Variants in BIN2 observed in about 807,000 individuals in gnomAD.
The protein encoded by BIN2 is breast cancer associated protein BRAP1.
BIN2 carries 43 observed loss-of-function variants against 67.9 expected under a neutral mutation model. That is an observed-to-expected ratio of 0.63 (90% CI 0.50 to 0.82). BIN2 has a LOEUF of 0.82. Ranked by LOEUF, BIN2 falls within the 40% of genes least tolerant of loss-of-function variation. The pLI, the probability that BIN2 is intolerant of heterozygous loss-of-function variation, is 0.00. For synonymous variants in BIN2, 244 were observed against 246.8 expected (o/e 0.99, Z 0.11); for missense variants, 581 against 671.6 (o/e 0.87, Z 1.49).
intron 1 of BIN2, among the ~76,000 whole-genome samples, chr12:51,323,443 C>G (rs1946340674): frequency 6.7e-6 from 1 of 149,706 alleles, no homozygotes; most frequent in African/African-American, 2.6e-5. Context: ...GTGTACTCCC[C>G]AACGCCAAAG....
At chr12:51,316,278 T>A (rs1280709388) in intron 1 of BIN2, among the ~76,000 whole-genome samples, 1 of 149,788 alleles carries the variant, frequency 6.7e-6, no homozygotes. Context: ...AGGTCAGGAG[T>A]TCGAGACCAA....
chr12:51,299,026 T>C (rs993286537), intron 7 of BIN2, among the ~76,000 whole-genome samples, 177 bp downstream of exon 7: 1 of 151,294 alleles, frequency 6.6e-6, no homozygotes, highest in African/African-American at 2.4e-5. Flanking sequence ...TGAGCTGAGA[T>C]TGAGTGCTAC....
chr12:51,302,331 A>T (rs1945747362), intron 4 of BIN2: 1 of 551,444 alleles, frequency 1.8e-6, no homozygotes. Flanking sequence ...AGAGATTAAG[A>T]ACAGGGCACA....
upstream of BIN2, chr12:51,324,293 A>AG: frequency 1.1e-5 from 15 of 1,392,804 alleles, no homozygotes; most frequent in Non-Finnish European, 1.4e-5. Context: ...GCCGGCTCGG[A>AG]GGGGCGGGCC....
chr12:51,299,135 C>T, intron 7 of BIN2, 68 bp downstream of exon 7: 1 of 1,098,526 alleles, frequency 9.1e-7, no homozygotes, highest in Non-Finnish European at 1.4e-6. Flanking sequence ...CTTTTATCTA[C>T]TTACTGTCAA....
chr12:51,298,664 C>G (rs945908198), intron 7 of BIN2, among the ~76,000 whole-genome samples: 3 of 152,096 alleles, frequency 2.0e-5, no homozygotes, highest in Non-Finnish European at 4.4e-5. Context: ...CCTATGTACA[C>G]TAATAAGTGA....
chr12:51,294,911 C>T (rs1261617461), intron 9 of BIN2, among the ~76,000 whole-genome samples: 4 of 151,876 alleles, frequency 2.6e-5, no homozygotes, highest in Non-Finnish European at 5.9e-5. Context: ...TTTATACGTT[C>T]GGTTATGTCT....
chr12:51,308,043 A>T (rs956219055), intron 2 of BIN2, among the ~76,000 whole-genome samples: 1 of 152,032 alleles, frequency 6.6e-6, no homozygotes, highest in Non-Finnish European at 1.5e-5. Flanking sequence ...GGGTAGTGGT[A>T]TGGAGTGGGG....
At chr12:51,319,706 TC>T (rs1467546412) in intron 1 of BIN2, among the ~76,000 whole-genome samples, 3 of 152,148 alleles carry the variant, frequency 2.0e-5, no homozygotes, top group Admixed American at 1.3e-4. Flanking sequence ...ATTCCAGTGT[TC>T]ATTGATTATT....
chr12:51,297,793 G>A (rs371074080), intron 7 of BIN2, among the ~76,000 whole-genome samples: 1 of 151,974 alleles, frequency 6.6e-6, no homozygotes, highest in African/African-American at 2.4e-5. Flanking sequence ...ATTTTTTAAA[G>A]GGCTATATAA....
At chr12:51,324,264 C>T (rs933909374), upstream of BIN2, 172 of 1,422,238 alleles carry the variant, frequency 1.2e-4, no homozygotes, top group African/African-American at 1.3e-3. Flanking sequence ...CCTCAGCCCA[C>T]CACTGTCAGC....
At chr12:51,323,422 C>G (rs556458497) in intron 1 of BIN2, among the ~76,000 whole-genome samples, 3 of 152,316 alleles carry the variant, frequency 2.0e-5, no homozygotes, top group African/African-American at 7.2e-5. Flanking sequence ...TGTGGTTCAT[C>G]ACCCTGGGAG....
At chr12:51,316,230 C>A (rs535766462) in intron 1 of BIN2, among the ~76,000 whole-genome samples, 42 of 152,088 alleles carry the variant, frequency 2.8e-4, no homozygotes, top group African/African-American at 9.9e-4. Flanking sequence ...GTGGCTCATG[C>A]GCCCGGCCTT....
At chr12:51,284,845 A>G in intron 11 of BIN2, 58 bp from the exon 12 acceptor site, 1 of 1,270,922 alleles carries the variant, frequency 7.9e-7, no homozygotes, top group Non-Finnish European at 1.2e-6. Flanking sequence ...GCCTCTCAGC[A>G]TAGAAGTGTC....
At chr12:51,304,336 T>C (rs1367507147) in intron 2 of BIN2, 1 of 152,248 alleles carries the variant, frequency 6.6e-6, no homozygotes, top group Admixed American at 6.5e-5. Context: ...CCACACATGC[T>C]TGAAGACAAC....
At chr12:51,316,592 C>T (rs1946140612) in intron 1 of BIN2, among the ~76,000 whole-genome samples, 1 of 152,174 alleles carries the variant, frequency 6.6e-6, no homozygotes, top group African/African-American at 2.4e-5. Flanking sequence ...CTTCACTTCT[C>T]ATACTCCTCC....
chr12:51,287,649 GTT>G (rs544875937), intron 11 of BIN2, among the ~76,000 whole-genome samples: 7 of 139,958 alleles, frequency 5.0e-5, no homozygotes, highest in African/African-American at 1.6e-4. Flanking sequence ...CCTAGGAAAA[GTT>G]TTTTTTTTTT....
intron 7 of BIN2, 55 bp from the exon 8 acceptor site, chr12:51,297,219 T>C: frequency 6.5e-7 from 1 of 1,541,146 alleles, no homozygotes; most frequent in Non-Finnish European, 9.0e-7. Flanking sequence ...AAAGGAGTTC[T>C]TTGTTTGAAA....
At position 51,299,699 on chromosome 12, in the gene BIN2, G is replaced by A. The variant is rs374011518; in HGVS notation, c.424C>T (p.Arg142Trp). Residue 142 changes from arginine to tryptophan, a missense_variant, in exon 6 of 13, where the codon CGG (arginine) becomes TGG (tryptophan). Arg to Trp is a moderately radical substitution (Grantham distance 101). Transcript: ENST00000615107. ...TCATAGTCCACGAGTTTCCGACCCC[G>A]CTTGGCAATTCTCTCCTGACCCAGG... is the stretch of plus-strand genomic sequence containing the variant. ...FSEIKERIAK[R>W]GRKLVDYDSA... 53 of 1,613,886 alleles carry A rather than the reference G, an allele frequency of 3.3e-5. No individual in the cohort carries two copies. Among genetic ancestry groups the A allele is most frequent in the South Asian group, 8.8e-5 (8 of 91,076 alleles).
Sources: allele counts gnomAD v4.1 joint callset (sites outside exome capture counted in the v4.1 genomes callset), GRCh38; gene constraint gnomAD v4.1.1; transcripts MANE v1.5; gene names NCBI Gene and HGNC (gene_info 2026-07-23, HGNC 2026-07-21).